IL9R: variants seen among roughly 807,000 people sequenced by gnomAD.
IL9R encodes the protein interleukin 9 receptor.
A neutral mutation model predicts 56.3 loss-of-function variants in IL9R; 54 were observed. The observed-to-expected ratio is 0.96, with a 90% CI of 0.77 to 1.20. IL9R has a LOEUF of 1.20. IL9R is among the 50% of genes most tolerant of loss of function. The pLI is 0.00. For synonymous variants in IL9R, 212 were observed against 250.2 expected, an observed-to-expected ratio of 0.85 and a Z score of 1.44; for missense variants, 545 against 629.8, an observed-to-expected ratio of 0.87 and a Z score of 1.44.
chrX:156,004,395 C>G (rs200021703), intron 4 of IL9R, 25 bp from the exon 5 acceptor site: 1 of 1,613,404 alleles, frequency 6.2e-7, no homozygotes, highest in Non-Finnish European at 8.5e-7. Context: ...GGGCTTCAGC[C>G]TCACATGGAT....
At chrX:155,999,818 C>T (rs3093470) in intron 1 of IL9R, among the ~76,000 whole-genome samples, 72,208 of 151,906 alleles carry the variant, frequency 0.48, 19,347 homozygotes, top group African/African-American at 0.71. Context: ...GACCCTTCCC[C>T]GCCCCCATTA....
At chrX:156,000,650 G>A (rs746280251) in intron 1 of IL9R, among the ~76,000 whole-genome samples, 30 of 152,288 alleles carry the variant, frequency 2.0e-4, no homozygotes, top group African/African-American at 7.0e-4. Flanking sequence ...GCTGTGGTGA[G>A]GCTTCCCTGG....
intron 1 of IL9R, chrX:156,001,330 G>A (rs1310696974): frequency 1.6e-5 from 15 of 964,084 alleles, no homozygotes; most frequent in Non-Finnish European, 2.6e-5. Flanking sequence ...GCTTCCCCAG[G>A]TCCTGGTGGT....
chrX:156,001,570 C>T, intron 1 of IL9R: 2 of 1,192,538 alleles, frequency 1.7e-6, no homozygotes, highest in South Asian at 1.2e-5. Context: ...GTATACGCTG[C>T]CGGGAGTGGG....
At chrX:156,001,571 C>G (rs769786754) in intron 1 of IL9R, 6 of 1,183,780 alleles carry the variant, frequency 5.1e-6, no homozygotes, top group South Asian at 1.2e-5. Context: ...TATACGCTGC[C>G]GGGAGTGGGG....
intron 2 of IL9R, 139 bp from the exon 3 acceptor site, chrX:156,003,310 G>C: frequency 1.4e-6 from 1 of 714,518 alleles, no homozygotes; most frequent in Non-Finnish European, 2.5e-6. Flanking sequence ...AGGCCTCCCA[G>C]TGCTTCCCTG....
At chrX:155,998,673 C>T (rs1486818804) in intron 1 of IL9R, among the ~76,000 whole-genome samples, 1 of 152,094 alleles carries the variant, frequency 6.6e-6, no homozygotes, top group Non-Finnish European at 1.5e-5. Context: ...CCTGGGTACC[C>T]ACAACATGAA....
intron 6 of IL9R, 92 bp downstream of exon 6, chrX:156,005,571 C>A: frequency 9.5e-7 from 1 of 1,057,080 alleles, no homozygotes; most frequent in Non-Finnish European, 1.4e-6. Context: ...TTTCACCCTC[C>A]TGTAAGCCCC....
intron 8 of IL9R, among the ~76,000 whole-genome samples, chrX:156,008,956 TG>T (rs2068202123): frequency 6.6e-6 from 1 of 151,814 alleles, no homozygotes; most frequent in Non-Finnish European, 1.5e-5. Context: ...TCTGTGTGTG[TG>T]TGTTTATGTG....
At chrX:156,001,304 T>C (rs2067505196) in intron 1 of IL9R, 5 of 828,982 alleles carry the variant, frequency 6.0e-6, no homozygotes, top group Non-Finnish European at 8.5e-6. Flanking sequence ...CTCTCAGCTG[T>C]GGCCGTTGTG....
chrX:156,002,554 G>A (rs1286584618), intron 1 of IL9R, among the ~76,000 whole-genome samples: 2 of 152,210 alleles, frequency 1.3e-5, no homozygotes, highest in Non-Finnish European at 2.9e-5. Context: ...TGGGGCCTGG[G>A]CCCGGGAATG....
At position 155,998,659 on chromosome X, in the gene IL9R, C is replaced by T. The variant is rs187911064; in HGVS notation, c.28+872C>T. The stretch of plus-strand genomic sequence containing the variant: ...GTCTTCAAGTAGCATCCCAGAGCCC[C>T]GCTCCTGGGTACCCACAACATGAAC... On this transcript the variant is annotated intron_variant, in intron 1 of 8. Coordinates refer to ENST00000244174, the MANE Select transcript of IL9R (RefSeq NM_002186.3). Among the ~76,000 whole-genome samples, 582 of 152,140 alleles carry T rather than the reference C, an allele frequency of 3.8e-3. 7 individuals carry two copies. The highest frequency in any genetic ancestry group is 0.013 in the African/African-American group (550 of 41,502).
In IL9R at chrX:156,004,527, T is replaced by C. The variant is rs2067773566; in HGVS notation, c.541T>C (p.Tyr181His). 6.2e-7 allele frequency: 1 copy of C among 1,613,290 alleles called. No homozygotes were observed. Among genetic ancestry groups the C allele is most frequent in the African/African-American group, 1.3e-5 (1 of 75,020 alleles). ...GGAGCCAATGACCACACTTCTCAGCTATGAGCTGGCCTTCAAGAAGCAGGA... is the reference window on the plus strand; with the variant it reads ...GGAGCCAATGACCACACTTCTCAGCCATGAGCTGGCCTTCAAGAAGCAGGA... ...ALEPMTTLLSYELAFKKQEEA... is the reference protein window; with the variant it reads ...ALEPMTTLLSHELAFKKQEEA... Residue 181 changes from tyrosine (Y) to histidine (H), a missense_variant, in exon 5 of 9, where the codon TAT becomes CAT. Physicochemically the swap from Tyr to His is moderately conservative, Grantham distance 83. Around this residue, in one of 2 missense-constraint regions of IL9R, gnomAD observed 431 missense variants for 360.0 expected, o/e 1.20. Transcript: ENST00000244174.
intron 2 of IL9R, 65 bp downstream of exon 2, chrX:156,003,084 GGTT>G (rs1165589547): frequency 6.3e-7 from 1 of 1,598,702 alleles, no homozygotes; most frequent in Non-Finnish European, 8.6e-7. Flanking sequence ...TGGGGGACTG[GGTT>G]GTCCGATGTC....
Position 156,004,418 on chromosome X carries a change from A to T in IL9R, c.434-2A>T. The T allele has an allele frequency of 6.2e-7, 1 of 1,613,830 alleles. No homozygotes were observed. Among genetic ancestry groups the T allele is most frequent in the Non-Finnish European group, 8.5e-7 (1 of 1,179,816 alleles). On this transcript the variant is annotated splice_acceptor_variant, in intron 4 of 8. Coordinates refer to ENST00000244174, the MANE Select transcript of IL9R (RefSeq NM_002186.3). LOFTEE classifies it high-confidence loss of function. ...GCCTCACATGGATTCACTCTGTTCC[A>T]GTTAAGCTGGACCCGCCCTCTGACT... is the stretch of plus-strand genomic sequence containing the variant.
intron 7 of IL9R, among the ~76,000 whole-genome samples, chrX:156,006,544 T>G (rs748766358): frequency 2.7e-5 from 4 of 150,236 alleles, no homozygotes; most frequent in African/African-American, 1.0e-4. Flanking sequence ...GGAGCTTGGT[T>G]TGTTCATTTG....
rs1569479087 is a variant in IL9R at position 156,009,254 on chromosome X, GTGTGTGTGTGTTTGTGTGTGTATGTC to G, written c.973-550_973-525del. 4.3e-3 allele frequency among the ~76,000 whole-genome samples: 249 copies of G among 58,242 alleles called. 2 individuals are homozygous for G. The highest frequency in any genetic ancestry group is 3.7e-3 in the Non-Finnish European group (98 of 26,524). 38.2% of individuals were successfully genotyped at this position (58,242 alleles called of 152,430 possible). ...GTGTGTTCGTGTGGTGTGTGTGTCT[GTGTGTGTGTGTTTGTGTGTGTATGTC>G]TGTGTGTGTGTGTGTTTATGTGTGT... On this transcript the variant is annotated intron_variant, in intron 8 of 8. Coordinates refer to ENST00000244174, the MANE Select transcript of IL9R (RefSeq NM_002186.3).
intron 1 of IL9R, among the ~76,000 whole-genome samples, chrX:155,998,484 C>G (rs1439694864): frequency 6.6e-6 from 1 of 152,140 alleles, no homozygotes; most frequent in Non-Finnish European, 1.5e-5. Context: ...CCCCCATTTT[C>G]TCTTCCTGTG....
chrX:155,999,553 G>T (rs1395307315), intron 1 of IL9R, among the ~76,000 whole-genome samples: 2 of 152,066 alleles, frequency 1.3e-5, no homozygotes, highest in Non-Finnish European at 2.9e-5. Context: ...CATACTCTGT[G>T]CCCAACAGCA....
Sources: allele counts gnomAD v4.1 joint callset (sites outside exome capture counted in the v4.1 genomes callset), GRCh38; gene constraint gnomAD v4.1.1; regional missense constraint gnomAD v4.1.1; transcripts MANE v1.5; gene names NCBI Gene and HGNC (gene_info 2026-07-23, HGNC 2026-07-21).